FAM177A1: variants seen among roughly 807,000 people sequenced by gnomAD.
FAM177A1 encodes the protein family with sequence similarity 177 member A1.
In FAM177A1, 22 loss-of-function variants were observed where a neutral mutation model predicts 26.1. That is an observed-to-expected ratio of 0.84 (90% CI 0.60 to 1.20). The LOEUF is 1.20. FAM177A1 is among the 50% of genes most tolerant of loss of function. The pLI is 0.00. For missense variants in FAM177A1, 296 were observed against 291.1 expected (o/e 1.02, Z -0.12); for synonymous variants, 95 against 99.3 (o/e 0.96, Z 0.26).
intron 2 of FAM177A1, among the ~76,000 whole-genome samples, chr14:35,053,739 C>G (rs1388793648): frequency 6.6e-6 from 1 of 152,130 alleles, no homozygotes; most frequent in Non-Finnish European, 1.5e-5. Context: ...CACCTGTAAT[C>G]CCAGCACTTT....
intron 3 of FAM177A1, among the ~76,000 whole-genome samples, chr14:35,078,068 T>C (rs911456487): frequency 2.0e-5 from 3 of 152,232 alleles, no homozygotes; most frequent in Non-Finnish European, 2.9e-5. Flanking sequence ...TAGCTTTTTA[T>C]CACTTTCTGC....
chr14:35,046,847 C>T (rs1386343862), intron 1 of FAM177A1: 12 of 1,349,322 alleles, frequency 8.9e-6, no homozygotes, highest in Non-Finnish European at 9.5e-6. Flanking sequence ...GCACAGCAGA[C>T]TCTGGGGCGG....
intron 3 of FAM177A1, among the ~76,000 whole-genome samples, chr14:35,077,729 G>A (rs183750885): frequency 2.0e-5 from 3 of 151,842 alleles, no homozygotes; most frequent in African/African-American, 4.8e-5. Context: ...TGATCCACCC[G>A]CCTCGGCCTC....
intron 1 of FAM177A1, among the ~76,000 whole-genome samples, chr14:35,049,157 GC>G (rs1216796929): frequency 6.6e-6 from 1 of 152,100 alleles, no homozygotes; most frequent in Non-Finnish European, 1.5e-5. Flanking sequence ...CTCCCAAAGT[GC>G]TGGGATTACA....
intron 2 of FAM177A1, 51 bp from the exon 3 acceptor site, chr14:35,077,099 A>G (rs772454032): frequency 7.1e-7 from 1 of 1,418,210 alleles, no homozygotes; most frequent in South Asian, 1.1e-5. Flanking sequence ...TGGCCTAAAT[A>G]TATGGAATGA....
At chr14:35,070,706 T>C (rs902615415) in intron 2 of FAM177A1, among the ~76,000 whole-genome samples, 2 of 152,210 alleles carry the variant, frequency 1.3e-5, no homozygotes, top group African/African-American at 4.8e-5. Flanking sequence ...AGTTTTGCAA[T>C]GTGAATGAAG....
At chr14:35,057,358 G>T (rs1159823784) in intron 2 of FAM177A1, among the ~76,000 whole-genome samples, 1 of 151,846 alleles carries the variant, frequency 6.6e-6, no homozygotes, top group African/African-American at 2.4e-5. Flanking sequence ...ACCATGCCCA[G>T]CTTCCCATAA....
At chr14:35,058,199 A>G (rs943495971) in intron 2 of FAM177A1, among the ~76,000 whole-genome samples, 14 of 151,944 alleles carry the variant, frequency 9.2e-5, no homozygotes, top group African/African-American at 2.4e-4. Flanking sequence ...TCAGCCTCCC[A>G]TGTAGCTGAG....
chr14:35,049,631 A>G (rs1422620233), intron 1 of FAM177A1, among the ~76,000 whole-genome samples: 1 of 152,130 alleles, frequency 6.6e-6, no homozygotes, highest in Admixed American at 6.5e-5. Flanking sequence ...CTAAAAATAG[A>G]AAAATTAGCT....
chr14:35,065,696 A>ATTTT lies in FAM177A1; in HGVS notation c.340-11440_340-11437dup, dbSNP rs35125485. Among the ~76,000 whole-genome samples the ATTTT allele has an allele frequency of 3.1e-3, 425 of 139,152 alleles. 3 individuals are homozygous for ATTTT. The highest frequency in any genetic ancestry group is 0.011 in the Middle Eastern group (3 of 262). The allele number at this position is 139,152 out of a possible 152,430, so 91.3% of individuals were successfully genotyped here. A position where few individuals can be genotyped will look rare whatever the true frequency, so the allele number is the denominator to read the frequency against. On this transcript the variant is annotated intron_variant, in intron 2 of 4. Coordinates refer to ENST00000280987, the MANE Select transcript of FAM177A1 (RefSeq NM_173607.5). ...TTTGTTTTAAAAGGTATAAGAAGCA[A>ATTTT]TTTTTTTTTTTTTTTTTGAGACAGT...
At chr14:35,080,575 T>C (rs2045465221) in intron 4 of FAM177A1, among the ~76,000 whole-genome samples, 2 of 152,062 alleles carry the variant, frequency 1.3e-5, no homozygotes, top group African/African-American at 4.8e-5. Context: ...CCGAGGTGGG[T>C]GGATCACTTG....
At position 35,053,501 on chromosome 14, in the gene FAM177A1, A is replaced by T. The variant is rs182607914; in HGVS notation, c.339+50A>T. 410 of 1,581,358 alleles carry T rather than the reference A, an allele frequency of 2.6e-4. 1 individual carries two copies. In the African/African-American group the frequency reaches 4.9e-3, roughly 19 times the overall value. On this transcript the variant is annotated intron_variant, in intron 2 of 4. Coordinates refer to ENST00000280987, the MANE Select transcript of FAM177A1 (RefSeq NM_173607.5). ...TCCTCAGTGGGCTTTGTTTTGATTT[A>T]TTTTTTTTCCCTAAACATTGAGTGG... is the stretch of plus-strand genomic sequence containing the variant.
At chr14:35,068,295 A>G (rs1307915439) in intron 2 of FAM177A1, among the ~76,000 whole-genome samples, 1 of 152,232 alleles carries the variant, frequency 6.6e-6, no homozygotes, top group Admixed American at 6.5e-5. Context: ...GATAGCAGGT[A>G]ACCATAAAAC....
At chr14:35,045,089 TAAC>T (rs2044841349), upstream of FAM177A1, 1 of 152,182 alleles carries the variant, frequency 6.6e-6, no homozygotes, top group African/African-American at 2.4e-5. Context: ...CATGAAGTCT[TAAC>T]AATTGGTTCT....
chr14:35,069,128 C>T (rs921195885), intron 2 of FAM177A1, among the ~76,000 whole-genome samples: 7 of 152,094 alleles, frequency 4.6e-5, no homozygotes, highest in African/African-American at 9.7e-5. Context: ...TGTTGGAAAC[C>T]TTGTCCGCAT....
chr14:35,062,657 AC>A (rs2045176562), intron 2 of FAM177A1, among the ~76,000 whole-genome samples: 3 of 152,190 alleles, frequency 2.0e-5, no homozygotes, highest in Admixed American at 6.5e-5. Context: ...TTGGCTGAGC[AC>A]AGTGCCTCAT....
In FAM177A1 at chr14:35,046,443, G is replaced by A; in HGVS notation, c.-21G>A. 1 of 1,529,952 alleles carries A rather than the reference G, an allele frequency of 6.5e-7. No individual in the cohort carries two copies. Among genetic ancestry groups the A allele is most frequent in the Non-Finnish European group, 8.8e-7 (1 of 1,133,798 alleles). The allele number at this position is 1,529,952 out of a possible 1,614,324, so 94.8% of individuals were successfully genotyped here. On this transcript the variant is annotated 5_prime_UTR_variant, in exon 1 of 5. Coordinates refer to ENST00000280987, the MANE Select transcript of FAM177A1 (RefSeq NM_173607.5). The stretch of plus-strand genomic sequence containing the variant: ...TTCCCGACAGCCTGGCTCGGCCAGC[G>A]ACTGGGCGGGGAGACCAAGGATGGA...
chr14:35,071,377 T>A (rs2045319470), intron 2 of FAM177A1, among the ~76,000 whole-genome samples: 1 of 152,118 alleles, frequency 6.6e-6, no homozygotes, highest in Non-Finnish European at 1.5e-5. Context: ...TAAGAAAAGG[T>A]AGTAGGTCTT....
At chr14:35,047,637 T>C (rs974031026) in intron 1 of FAM177A1, among the ~76,000 whole-genome samples, 2 of 152,250 alleles carry the variant, frequency 1.3e-5, no homozygotes, top group Middle Eastern at 3.4e-3. Context: ...TAGTCCCAGC[T>C]ACTCGGGAGG....
Sources: allele counts gnomAD v4.1 joint callset (sites outside exome capture counted in the v4.1 genomes callset), GRCh38; gene constraint gnomAD v4.1.1; transcripts MANE v1.5; gene names NCBI Gene and HGNC (gene_info 2026-07-23, HGNC 2026-07-21).